CDC42BPA: variants seen among roughly 807,000 people sequenced by gnomAD.
The protein encoded by CDC42BPA is CDC42 binding protein kinase alpha.
CDC42BPA carries 80 observed loss-of-function variants against 223.5 expected under a neutral mutation model. That is an observed-to-expected ratio of 0.36 (90% CI 0.30 to 0.43). CDC42BPA has a LOEUF of 0.43. CDC42BPA is among the 20% of genes least tolerant of loss of function. The probability of loss-of-function intolerance (pLI) is 1.00; values close to 1 mark genes in which losing one functional copy is unlikely to be tolerated. For missense variants in CDC42BPA, 1,743 were observed against 2,099.9 expected, an observed-to-expected ratio of 0.83 and a Z score of 3.32; for synonymous variants, 694 against 718.6, an observed-to-expected ratio of 0.97 and a Z score of 0.55.
rs1349252735 is a variant in CDC42BPA at position 226,994,396 on chromosome 1, A to G, written c.5137T>C (p.Ser1713Pro). The G allele has an allele frequency of 6.5e-7, 1 of 1,536,654 alleles. No individual in the cohort carries two copies. The highest frequency in any genetic ancestry group is 8.8e-7 in the Non-Finnish European group (1 of 1,139,474). Residue 1713 changes from serine to proline, a missense_variant, in exon 37 of 37, where the codon TCT becomes CCT. Physicochemically the swap from Ser to Pro is moderately conservative, Grantham distance 74 (BLOSUM62 -1). This residue lies in a region of CDC42BPA where 200 missense variants were observed against 192.8 expected (regional missense o/e 1.04). Transcript: ENST00000366766. The surrounding 1 kb of genome is among the most constrained non-coding windows in gnomAD (Gnocchi z 4.0). ...GCTGTGGAATGCCTCGGAGAGTCAG[A>G]GTCCTGTAAGGCCCAAAGTAAAACA... ...APARDFDGED[S>P]DSPRHSTASN...
chr1:227,261,162 C>G lies in CDC42BPA; in HGVS notation c.179-7007G>C, dbSNP rs1240101878. On this transcript the variant is annotated intron_variant, in intron 1 of 36. Coordinates refer to ENST00000366766, the MANE Select transcript of CDC42BPA (RefSeq NM_001394014.1). ...ACAGAGTCTCGCTCTGTTGCCCAGG[C>G]TGGAGTGCAGTGGTGTGATCTCACC... Among the ~76,000 whole-genome samples, 4 of 130,534 alleles carry G rather than the reference C, an allele frequency of 3.1e-5. 1 individual carries two copies. Among genetic ancestry groups the G allele is most frequent in the African/African-American group, 1.2e-4 (4 of 33,606 alleles). The allele number at this position is 130,534 out of a possible 152,430, so 85.6% of individuals were successfully genotyped here.
intron 2 of CDC42BPA, among the ~76,000 whole-genome samples, chr1:227,236,196 T>C (rs960166666): frequency 1.3e-5 from 2 of 152,184 alleles, no homozygotes; most frequent in Non-Finnish European, 2.9e-5. Context: ...CAAAACTGGG[T>C]GGTCCCTACT....
intron 32 of CDC42BPA, among the ~76,000 whole-genome samples, chr1:227,017,688 GAT>G (rs1666567699): frequency 6.6e-6 from 1 of 152,102 alleles, no homozygotes; most frequent in Admixed American, 6.5e-5. Context: ...GCAACCCAGT[GAT>G]AGTCTTATCC....
At chr1:227,154,871 T>C (rs926530684) in intron 6 of CDC42BPA, among the ~76,000 whole-genome samples, 3 of 152,110 alleles carry the variant, frequency 2.0e-5, no homozygotes, top group Non-Finnish European at 2.9e-5. Flanking sequence ...TGTACATGTA[T>C]GGATATAAAC....
intron 20 of CDC42BPA, among the ~76,000 whole-genome samples, chr1:227,070,173 T>C (rs1175072272): frequency 6.6e-6 from 1 of 151,854 alleles, no homozygotes; most frequent in African/African-American, 2.4e-5. Flanking sequence ...AGGAGTCTGT[T>C]TATATCTGAT....
At chr1:227,216,580 A>C (rs932005445) in intron 2 of CDC42BPA, among the ~76,000 whole-genome samples, 1 of 152,216 alleles carries the variant, frequency 6.6e-6, no homozygotes, top group African/African-American at 2.4e-5. Flanking sequence ...CAATAAAATC[A>C]AACTGATCTT....
At chr1:227,157,917 G>A (rs1663107029) in intron 6 of CDC42BPA, among the ~76,000 whole-genome samples, 1 of 151,022 alleles carries the variant, frequency 6.6e-6, no homozygotes, top group Admixed American at 6.6e-5. Context: ...TAATCTTTAA[G>A]GCTACATTTT....
chr1:226,993,807 C>A lies in CDC42BPA; in HGVS notation c.*461G>T. The A allele has an allele frequency of 6.4e-6, 1 of 157,012 alleles. No individual in the cohort carries two copies. Among genetic ancestry groups the A allele is most frequent in the East Asian group, 1.9e-4 (1 of 5,260 alleles). 9.7% of individuals were successfully genotyped at this position (157,012 alleles called of 1,614,324 possible). A position where few individuals can be genotyped will look rare whatever the true frequency, so the allele number is the denominator to read the frequency against. Reference sequence around the variant, plus strand: ...TTTCCTGGCAACAATCAGGTTGATACTCACTGCGTTTGCTGATTAAGAGCT... The same window carrying A: ...TTTCCTGGCAACAATCAGGTTGATAATCACTGCGTTTGCTGATTAAGAGCT... On this transcript the variant is annotated 3_prime_UTR_variant, in exon 37 of 37. Coordinates refer to ENST00000366766, the MANE Select transcript of CDC42BPA (RefSeq NM_001394014.1).
intron 5 of CDC42BPA, among the ~76,000 whole-genome samples, chr1:227,168,497 G>GTTTGTTTTTTTTTT (rs1665475251): frequency 1.2e-5 from 1 of 80,196 alleles, no homozygotes; most frequent in African/African-American, 5.0e-5. Flanking sequence ...CTTCCCTGGT[G>GTTTGTTTTTTTTTT]TTTTTTTTTT....
chr1:227,257,944 C>T (rs766344912), intron 1 of CDC42BPA, among the ~76,000 whole-genome samples: 13 of 150,638 alleles, frequency 8.6e-5, no homozygotes, highest in Admixed American at 4.6e-4. Flanking sequence ...CCAAAGCAGA[C>T]GGATTGCTTG....
chr1:227,180,121 G>A lies in CDC42BPA; in HGVS notation c.599+13665C>T, dbSNP rs545916498. On this transcript the variant is annotated intron_variant, in intron 5 of 36. Coordinates refer to ENST00000366766, the MANE Select transcript of CDC42BPA (RefSeq NM_001394014.1). ...CTCAGGAGGCTGAGGCACGAGACTC[G>A]CTTGAACGCAGGAGGCAGATGTTGC... Among the ~76,000 whole-genome samples the A allele has an allele frequency of 5.1e-4, 78 of 152,202 alleles. 1 individual carries two copies. Among genetic ancestry groups the A allele is most frequent in the African/African-American group, 1.8e-3 (75 of 41,512 alleles).
intron 21 of CDC42BPA, among the ~76,000 whole-genome samples, chr1:227,066,243 G>T (rs1180431867): frequency 2.0e-5 from 3 of 152,068 alleles, no homozygotes; most frequent in African/African-American, 7.2e-5. Context: ...ACAAAAATTA[G>T]CTAGGCACGG....
chr1:227,085,758 G>C (rs552488577), intron 16 of CDC42BPA, among the ~76,000 whole-genome samples: 1 of 152,326 alleles, frequency 6.6e-6, no homozygotes, highest in South Asian at 2.1e-4. Flanking sequence ...TTGCAAACAA[G>C]AGATTTAAGT....
chr1:227,100,786 C>T (rs1684918557), intron 15 of CDC42BPA, among the ~76,000 whole-genome samples: 1 of 71,390 alleles, frequency 1.4e-5, no homozygotes. Flanking sequence ...GTGCGTGTGC[C>T]ATCATACCCA....
chr1:227,189,830 C>T (rs1326838370), intron 5 of CDC42BPA, among the ~76,000 whole-genome samples: 1 of 152,110 alleles, frequency 6.6e-6, no homozygotes, highest in African/African-American at 2.4e-5. Flanking sequence ...TCCTTAAACA[C>T]AACAGTCTCA....
chr1:227,041,200 C>T (rs749594442), intron 23 of CDC42BPA, among the ~76,000 whole-genome samples: 3 of 152,056 alleles, frequency 2.0e-5, no homozygotes, highest in Non-Finnish European at 4.4e-5. Context: ...GGTTTGTTAC[C>T]TGAGTATATT....
At chr1:227,204,528 A>G (rs998985991) in intron 3 of CDC42BPA, among the ~76,000 whole-genome samples, 12 of 152,166 alleles carry the variant, frequency 7.9e-5, no homozygotes, top group African/African-American at 2.9e-4. Context: ...TAGGGAGTGG[A>G]TAAGTTCTAG....
chr1:227,018,700 T>A (rs113822825), intron 32 of CDC42BPA, among the ~76,000 whole-genome samples: 1 of 152,194 alleles, frequency 6.6e-6, no homozygotes, highest in South Asian at 2.1e-4. Context: ...CAGGTTCAAT[T>A]TGAGACCACA....
At chr1:227,018,149 T>C (rs1173475379) in intron 32 of CDC42BPA, among the ~76,000 whole-genome samples, 1 of 151,918 alleles carries the variant, frequency 6.6e-6, no homozygotes, top group South Asian at 2.1e-4. Context: ...TGGGCTCAAG[T>C]GATCCTCCTG....
Sources: gnomAD v4.1 joint callset for allele counts (sites outside exome capture counted in the v4.1 genomes callset) on GRCh38, gnomAD v4.1.1 for gene constraint, gnomAD v4.1.1 regional missense constraint, Gnocchi (gnomAD v3.1) non-coding constraint, MANE v1.5 for transcripts, NCBI Gene and HGNC (gene_info 2026-07-23, HGNC 2026-07-21) for gene names.